Variants in FMNL2 observed in about 807,000 individuals in gnomAD.
FMNL2 encodes the protein formin like 2.
Under a neutral mutation model 130.2 loss-of-function variants are expected in FMNL2, and 51 were observed. That is an observed-to-expected ratio of 0.39 (90% confidence interval 0.31 to 0.49). FMNL2 has a LOEUF of 0.49. FMNL2 is among the 20% of genes least tolerant of loss of function. The pLI is 0.85. For missense variants in FMNL2, 977 were observed against 1,316.2 expected, an observed-to-expected ratio of 0.74 and a Z score of 3.99; for synonymous variants, 465 against 467.1, an observed-to-expected ratio of 1.00 and a Z score of 0.06.
intron 22 of FMNL2, among the ~76,000 whole-genome samples, chr2:152,637,246 T>C (rs1361358590): frequency 6.6e-6 from 1 of 152,228 alleles, no homozygotes; most frequent in Admixed American, 6.5e-5. Context: ...CCACGGCCTT[T>C]GGAAACTCCT....
chr2:152,632,910 T>C (rs1682274150), intron 21 of FMNL2, among the ~76,000 whole-genome samples: 1 of 152,230 alleles, frequency 6.6e-6, no homozygotes, highest in Non-Finnish European at 1.5e-5. Flanking sequence ...GTGTTTATTA[T>C]AAATTCAGAT....
At chr2:152,388,471 G>A (rs947729091) in intron 1 of FMNL2, among the ~76,000 whole-genome samples, 2 of 152,102 alleles carry the variant, frequency 1.3e-5, no homozygotes, top group African/African-American at 4.8e-5. Context: ...GATCTCATGA[G>A]AACTCACTAT....
chr2:152,454,795 G>C (rs1688860501), intron 1 of FMNL2, among the ~76,000 whole-genome samples: 1 of 152,216 alleles, frequency 6.6e-6, no homozygotes, highest in Non-Finnish European at 1.5e-5. Context: ...TCATGCCATT[G>C]ATTTAATTGG....
At chr2:152,351,507 C>T (rs771465918) in intron 1 of FMNL2, among the ~76,000 whole-genome samples, 52 of 152,142 alleles carry the variant, frequency 3.4e-4, no homozygotes, top group Non-Finnish European at 6.2e-4. Context: ...CAGCTTCATC[C>T]ATGTCCCTGC....
chr2:152,493,641 T>C (rs1691338608), intron 1 of FMNL2, among the ~76,000 whole-genome samples: 2 of 152,158 alleles, frequency 1.3e-5, no homozygotes, highest in Admixed American at 1.3e-4. Flanking sequence ...ATGCAAAATA[T>C]GTTTGTTAAA....
rs57776446 is a variant in FMNL2, at chr2:152,574,434, CAAAAAAAAA to C, written c.597-690_597-682del. Among the ~76,000 whole-genome samples, 187 of 106,956 alleles carry C rather than the reference CAAAAAAAAA, an allele frequency of 1.7e-3. 1 individual carries two copies. Among genetic ancestry groups the C allele is most frequent in the African/African-American group, 6.6e-3 (179 of 26,986 alleles). The allele number at this position is 106,956 out of a possible 152,430, so 70.2% of individuals were successfully genotyped here. Reference sequence around the variant, plus strand: ...CTGGTGACAGAGCGAGACTCTGTCTCAAAAAAAAAAAAAAAAAAAAGAAAAGAAACAGAT... The same window carrying C: ...CTGGTGACAGAGCGAGACTCTGTCTCAAAAAAAAAAAGAAAAGAAACAGAT... On this transcript the variant is annotated intron_variant, in intron 6 of 25. Transcript: ENST00000288670.
At chr2:152,573,299 C>T (rs1696284637) in intron 6 of FMNL2, among the ~76,000 whole-genome samples, 1 of 152,116 alleles carries the variant, frequency 6.6e-6, no homozygotes, top group Admixed American at 6.5e-5. Context: ...AGGACTGAAG[C>T]AGAAAATGCT....
chr2:152,367,077 G>GTT lies in FMNL2; in HGVS notation c.117+31370_117+31371dup, dbSNP rs796813762. On this transcript the variant is annotated intron_variant, in intron 1 of 25. Transcript: ENST00000288670. The stretch of plus-strand genomic sequence containing the variant: ...CCTGTTATTGTGTGTGTGTGTGTTT[G>GTT]TTTTTTTTTTTTTTCCCAGATGGGG... 1.5e-3 allele frequency among the ~76,000 whole-genome samples: 212 copies of GTT among 145,208 alleles called. 2 individuals are homozygous for GTT. In the East Asian group the frequency reaches 0.015, roughly 10 times the overall value.
At chr2:152,514,312 G>A (rs1034442311) in intron 1 of FMNL2, among the ~76,000 whole-genome samples, 2 of 152,124 alleles carry the variant, frequency 1.3e-5, no homozygotes, top group Admixed American at 6.5e-5. Context: ...CTGCCATAGA[G>A]TAAGTTTGAA....
At chr2:152,432,865 C>T (rs1687571240) in intron 1 of FMNL2, among the ~76,000 whole-genome samples, 1 of 152,144 alleles carries the variant, frequency 6.6e-6, no homozygotes, top group Non-Finnish European at 1.5e-5. Flanking sequence ...GCTGGCTTTG[C>T]AGCGTAGGAT....
chr2:152,587,950 C>G (rs917360071), intron 9 of FMNL2, among the ~76,000 whole-genome samples: 1 of 152,216 alleles, frequency 6.6e-6, no homozygotes, highest in African/African-American at 2.4e-5. Context: ...AGAAGAGGAA[C>G]AGCTGACCAA....
chr2:152,547,638 G>A (rs574977848), intron 3 of FMNL2, among the ~76,000 whole-genome samples: 1 of 152,284 alleles, frequency 6.6e-6, no homozygotes, highest in South Asian at 2.1e-4. Context: ...GGGCCACCAA[G>A]TCCCAGGTGT....
intron 2 of FMNL2, among the ~76,000 whole-genome samples, chr2:152,529,086 A>G (rs1038954588): frequency 5.3e-5 from 8 of 152,316 alleles, no homozygotes; most frequent in Admixed American, 4.6e-4. Flanking sequence ...AGTCTCTGCC[A>G]CGATTACCAA....
intron 1 of FMNL2, among the ~76,000 whole-genome samples, chr2:152,458,333 T>A (rs1208236529): frequency 6.6e-6 from 1 of 152,180 alleles, no homozygotes; most frequent in African/African-American, 2.4e-5. Context: ...AGTGGGGTCC[T>A]TACCCCTTCT....
At chr2:152,346,361 T>C (rs533964904) in intron 1 of FMNL2, among the ~76,000 whole-genome samples, 19 of 152,248 alleles carry the variant, frequency 1.2e-4, no homozygotes, top group African/African-American at 4.1e-4. Flanking sequence ...TATCAGAAGT[T>C]CTGGCAGGGT....
chr2:152,524,404 T>C (rs769555048), intron 2 of FMNL2, among the ~76,000 whole-genome samples: 1 of 152,134 alleles, frequency 6.6e-6, no homozygotes, highest in African/African-American at 2.4e-5. Flanking sequence ...TCTAACTAAT[T>C]CTGGAGGGAG....
chr2:152,610,056 G>A (rs1698595961), intron 10 of FMNL2, among the ~76,000 whole-genome samples: 1 of 152,162 alleles, frequency 6.6e-6, no homozygotes, highest in South Asian at 2.1e-4. Context: ...GGAGAAAGCA[G>A]TAAATCCCAG....
At chr2:152,609,223 G>C (rs1698554501) in intron 10 of FMNL2, among the ~76,000 whole-genome samples, 2 of 152,212 alleles carry the variant, frequency 1.3e-5, no homozygotes, top group African/African-American at 4.8e-5. Flanking sequence ...TTATTTAGAG[G>C]CTGCTATTAC....
chr2:152,542,509 G>A (rs1205398002), intron 2 of FMNL2, among the ~76,000 whole-genome samples: 1 of 152,210 alleles, frequency 6.6e-6, no homozygotes, highest in African/African-American at 2.4e-5. Context: ...GTGACCAGCA[G>A]TGTCATCAAA....
Sources: allele counts gnomAD v4.1 joint callset (sites outside exome capture counted in the v4.1 genomes callset), GRCh38; gene constraint gnomAD v4.1.1; transcripts MANE v1.5; gene names NCBI Gene and HGNC (gene_info 2026-07-23, HGNC 2026-07-21).